The following GPC3 variants were observed in gnomAD, a reference collection of about 807,000 sequenced individuals.
The protein encoded by GPC3 is glypican-3.
In GPC3, 3 loss-of-function variants were observed where a neutral mutation model predicts 34.4. The ratio of observed to expected loss-of-function variants is 0.09; its 90% CI spans 0.04 to 0.23. The LOEUF (loss-of-function observed/expected upper bound fraction) is 0.23, where lower values mean the gene tolerates loss of function less well. GPC3 is among the 10% of genes least tolerant of loss of function. GPC3 has a pLI of 1.00. For missense variants in GPC3, 351 were observed against 445.6 expected (o/e 0.79, Z 1.91); for synonymous variants, 177 against 174.0 (o/e 1.02, Z -0.13).
intron 2 of GPC3, among the ~76,000 whole-genome samples, chrX:133,929,691 C>T (rs984139733): frequency 1.8e-5 from 2 of 112,139 alleles, no homozygotes; most frequent in Non-Finnish European, 3.8e-5. Flanking sequence ...TTTTCAAAGC[C>T]TTCTCATAAG....
chrX:133,877,387 T>G (rs775163354), intron 2 of GPC3, among the ~76,000 whole-genome samples: 1 of 111,996 alleles, frequency 8.9e-6, no homozygotes, highest in South Asian at 3.7e-4. Context: ...TCATGTGACC[T>G]TAGACAAGTC....
intron 6 of GPC3, among the ~76,000 whole-genome samples, chrX:133,614,480 A>G (rs1257311336): frequency 3.6e-5 from 4 of 110,720 alleles, no homozygotes; most frequent in African/African-American, 1.3e-4. Flanking sequence ...AAAAAAAAAA[A>G]ACTGTCATCT....
chrX:133,718,081 T>C (rs939959355), intron 3 of GPC3, among the ~76,000 whole-genome samples: 17 of 111,549 alleles, frequency 1.5e-4, no homozygotes, highest in African/African-American at 5.5e-4. Flanking sequence ...AGTGAGACCC[T>C]GTCTCTAGAA....
At chrX:133,801,678 GGTC>G (rs2124519711) in intron 2 of GPC3, among the ~76,000 whole-genome samples, 1 of 112,092 alleles carries the variant, frequency 8.9e-6, no homozygotes, top group Admixed American at 9.5e-5. Context: ...TTAATTAAAA[GGTC>G]AAGAACACTA....
intron 7 of GPC3, among the ~76,000 whole-genome samples, chrX:133,538,807 C>T (rs2069317500): frequency 9.8e-6 from 1 of 102,076 alleles, no homozygotes; most frequent in Admixed American, 1.1e-4. Flanking sequence ...TAGCTGGGGC[C>T]ATGGCAAAAC....
intron 5 of GPC3, among the ~76,000 whole-genome samples, chrX:133,671,703 T>C (rs1331564564): frequency 2.7e-5 from 3 of 111,801 alleles, no homozygotes; most frequent in Middle Eastern, 9.2e-3. Flanking sequence ...ATACTTTAAG[T>C]GTGCAGGTTT....
At chrX:133,934,505 T>TAC (rs1491101549) in intron 2 of GPC3, among the ~76,000 whole-genome samples, 2 of 106,912 alleles carry the variant, frequency 1.9e-5, no homozygotes, top group East Asian at 5.9e-4. Context: ...AAACTTTATT[T>TAC]ATATATATAT....
At chrX:133,691,510 C>A (rs774708012) in intron 5 of GPC3, among the ~76,000 whole-genome samples, 5 of 107,658 alleles carry the variant, frequency 4.6e-5, no homozygotes, top group South Asian at 8.0e-4. Context: ...AAAAAAAAAA[C>A]AAACAAAAAA....
chrX:133,699,401 C>T (rs1294305762), intron 4 of GPC3, among the ~76,000 whole-genome samples: 1 of 111,846 alleles, frequency 8.9e-6, no homozygotes, highest in Non-Finnish European at 1.9e-5. Context: ...AAGAAACAAA[C>T]GTGGATTTTG....
Position 133,591,099 on chromosome X carries a change from C to T in GPC3, c.1573+5341G>A, listed in dbSNP as rs188501893. Among the ~76,000 whole-genome samples the T allele has an allele frequency of 3.3e-3, 372 of 111,943 alleles. 4 individuals carry two copies. The highest frequency in any genetic ancestry group is 0.01 in the African/African-American group (311 of 30,835). On this transcript the variant is annotated intron_variant, in intron 7 of 7. Transcript: ENST00000370818. The stretch of plus-strand genomic sequence containing the variant: ...GAAGAAGTAAGCCAGGGAAGCCAGC[C>T]GATAGAGCTACTTGCTGGTCATGTC...
At chrX:133,633,099 A>T (rs1193579589) in intron 6 of GPC3, among the ~76,000 whole-genome samples, 1 of 111,935 alleles carries the variant, frequency 8.9e-6, no homozygotes, top group African/African-American at 3.2e-5. Flanking sequence ...AGCACTGAAT[A>T]TAATATATTT....
chrX:133,728,370 G>A (rs1603234721), intron 3 of GPC3, among the ~76,000 whole-genome samples: 1 of 111,701 alleles, frequency 9.0e-6, no homozygotes, highest in South Asian at 3.8e-4. Flanking sequence ...GAGGAGGGAA[G>A]GAAAGAAGGA....
chrX:133,604,367 A>G (rs1234072883), intron 6 of GPC3, among the ~76,000 whole-genome samples: 2 of 111,927 alleles, frequency 1.8e-5, no homozygotes, highest in African/African-American at 6.5e-5. Context: ...CATTAACTAT[A>G]ACTTGATGGG....
chrX:133,859,631 T>C (rs895501535), intron 2 of GPC3, among the ~76,000 whole-genome samples: 3 of 111,704 alleles, frequency 2.7e-5, no homozygotes, highest in Non-Finnish European at 5.6e-5. Flanking sequence ...AAGAGAAAAT[T>C]TTGAGAGACA....
intron 6 of GPC3, among the ~76,000 whole-genome samples, chrX:133,617,395 T>C (rs1009456589): frequency 8.9e-6 from 1 of 112,670 alleles, no homozygotes; most frequent in Non-Finnish European, 1.9e-5. Flanking sequence ...CAAAGTTTAA[T>C]GGCTGTGTGC....
chrX:133,580,104 G>A (rs2069720057), intron 7 of GPC3, among the ~76,000 whole-genome samples: 1 of 111,993 alleles, frequency 8.9e-6, no homozygotes. Flanking sequence ...GGAGATGTAG[G>A]TTGGGGCCAG....
chrX:133,937,758 G>A (rs2124625983), intron 2 of GPC3, among the ~76,000 whole-genome samples: 1 of 111,653 alleles, frequency 9.0e-6, no homozygotes, highest in African/African-American at 3.3e-5. Context: ...TTATCAGCAG[G>A]ACAGCAGAAG....
At chrX:133,611,519 T>C (rs2070112347) in intron 6 of GPC3, among the ~76,000 whole-genome samples, 1 of 112,296 alleles carries the variant, frequency 8.9e-6, no homozygotes, top group South Asian at 3.7e-4. Flanking sequence ...CATTTCTTTC[T>C]ATCTATTCCC....
chrX:133,911,006 T>A (rs1334595037), intron 2 of GPC3, among the ~76,000 whole-genome samples: 1 of 111,705 alleles, frequency 9.0e-6, no homozygotes, highest in African/African-American at 3.3e-5. Flanking sequence ...TTTCATCCAA[T>A]TGGTATGTGC....
Sources: allele counts gnomAD v4.1 joint callset (sites outside exome capture counted in the v4.1 genomes callset), GRCh38; gene constraint gnomAD v4.1.1; transcripts MANE v1.5; gene names NCBI Gene and HGNC (gene_info 2026-07-23, HGNC 2026-07-21).